The following TDP1 variants were observed in gnomAD, a reference collection of about 807,000 sequenced individuals.
TDP1 encodes tyr-DNA phosphodiesterase 1.
In TDP1, 64 loss-of-function variants were observed where a neutral mutation model predicts 81.5. That is an observed-to-expected ratio of 0.79 (90% confidence interval 0.64 to 0.97). TDP1 has a LOEUF of 0.97. Among genes scored for constraint, TDP1 ranks in the 50% least tolerant of loss-of-function variants. TDP1 has a pLI of 0.00. For synonymous variants in TDP1, 256 were observed against 264.3 expected, an observed-to-expected ratio of 0.97 and a Z score of 0.30; for missense variants, 723 against 743.8, an observed-to-expected ratio of 0.97 and a Z score of 0.33.
At position 90,011,663 on chromosome 14, in the gene TDP1, T is replaced by C. The variant is rs185273931; in HGVS notation, c.1542-7653T>C. On this transcript the variant is annotated intron_variant, in intron 14 of 16. Transcript: ENST00000335725. ...CCCTGCCATAGAGATCTGTGGAACT[T>C]TAAACTTGAGAAAGATAATATAGGG... Among the ~76,000 whole-genome samples, 742 of 152,276 alleles carry C rather than the reference T, an allele frequency of 4.9e-3. 8 individuals are homozygous for C. The highest frequency in any genetic ancestry group is 0.04 in the South Asian group (191 of 4,822).
chr14:89,994,452 C>A (rs1469229037), intron 14 of TDP1, among the ~76,000 whole-genome samples: 1 of 152,056 alleles, frequency 6.6e-6, no homozygotes, highest in Non-Finnish European at 1.5e-5. Flanking sequence ...TGTTGTTTTC[C>A]CTCAAAGTGT....
At chr14:89,967,952 C>T (rs1424143872) in intron 5 of TDP1, among the ~76,000 whole-genome samples, 1 of 146,144 alleles carries the variant, frequency 6.8e-6, no homozygotes, top group African/African-American at 2.8e-5. Flanking sequence ...TAGGGCATCA[C>T]ACAGGTGCCA....
At chr14:90,029,027 C>T (rs1361274356) in intron 15 of TDP1, among the ~76,000 whole-genome samples, 2 of 151,976 alleles carry the variant, frequency 1.3e-5, no homozygotes, top group African/African-American at 4.8e-5. Context: ...GTCCAAATAC[C>T]AGGGTTTCTA....
chr14:89,989,161 T>C (rs1462981811), intron 11 of TDP1, 71 bp downstream of exon 11: 1 of 1,489,306 alleles, frequency 6.7e-7, no homozygotes, highest in Non-Finnish European at 9.3e-7. Context: ...AAATTGGTCC[T>C]CTTTGTAATG....
chr14:89,998,394 AT>A (rs1292690080), intron 14 of TDP1, among the ~76,000 whole-genome samples: 8 of 111,302 alleles, frequency 7.2e-5, no homozygotes, highest in Non-Finnish European at 1.2e-4. Context: ...ATATATATAT[AT>A]ATATATATAT....
chr14:89,963,438 G>A lies in TDP1; in HGVS notation c.324G>A (p.Val108=). 1.9e-6 allele frequency: 3 copies of A among 1,613,494 alleles called. No homozygotes were observed. The highest frequency in any genetic ancestry group is 2.5e-6 in the Non-Finnish European group (3 of 1,179,740). ...TGCCGCAGAAGCAGGCTGAGAAAGTGGTGATCAAAAAGGAGAAAGACATCT... is the reference window on the plus strand; with the variant it reads ...TGCCGCAGAAGCAGGCTGAGAAAGTAGTGATCAAAAAGGAGAAAGACATCT... The part of the protein sequence containing the change: ...PEMPQKQAEK[V]VIKKEKDISA... Residue 108 remains valine (V), a synonymous_variant, in exon 3 of 17, where the codon GTG becomes GTA. Transcript: ENST00000335725.
chr14:89,995,418 T>C (rs899384994), intron 14 of TDP1, among the ~76,000 whole-genome samples: 9 of 152,336 alleles, frequency 5.9e-5, no homozygotes, highest in Non-Finnish European at 1.3e-4. Context: ...CATAGAGTTT[T>C]AGTGTGCCTG....
rs140404001 is a variant in TDP1, at chr14:89,996,142, G to A, written c.1541+2659G>A. 2.4e-4 allele frequency among the ~76,000 whole-genome samples: 37 copies of A among 152,286 alleles called. No individual in the cohort carries two copies. The South Asian group carries it at 3.1e-3, about 13-fold the overall frequency. The stretch of plus-strand genomic sequence containing the variant: ...GGTTTCCTATCTGTTGTGTCATCAC[G>A]TGGATGTTCTTCATAAGCCACTCAT... On this transcript the variant is annotated intron_variant, in intron 14 of 16. Coordinates refer to ENST00000335725, the MANE Select transcript of TDP1 (RefSeq NM_018319.4).
At chr14:90,011,099 C>G (rs958387902) in intron 14 of TDP1, among the ~76,000 whole-genome samples, 1 of 152,152 alleles carries the variant, frequency 6.6e-6, no homozygotes, top group African/African-American at 2.4e-5. Context: ...AGAGCAGTTT[C>G]TCTGCACACA....
chr14:89,989,520 A>T, intron 11 of TDP1, 197 bp from the exon 12 acceptor site: 1 of 782,278 alleles, frequency 1.3e-6, no homozygotes, highest in Non-Finnish European at 1.6e-6. Context: ...TTGAAGTATA[A>T]TTTTACATCA....
At chr14:89,983,111 C>G (rs1359494976) in intron 8 of TDP1, 1 of 455,976 alleles carries the variant, frequency 2.2e-6, no homozygotes, top group East Asian at 7.0e-5. Flanking sequence ...GTTTCTCATC[C>G]AGAACTCACC....
chr14:90,016,372 G>A (rs1005486530), intron 14 of TDP1, among the ~76,000 whole-genome samples: 3 of 152,048 alleles, frequency 2.0e-5, no homozygotes, highest in Non-Finnish European at 4.4e-5. Context: ...TAACTCATGC[G>A]TTGTCACTGT....
chr14:90,019,486 T>C, intron 15 of TDP1, 68 bp downstream of exon 15: 1 of 883,928 alleles, frequency 1.1e-6, no homozygotes, highest in Non-Finnish European at 1.9e-6. Flanking sequence ...GTTCTCTTCC[T>C]TTAGTCACAA....
intron 15 of TDP1, among the ~76,000 whole-genome samples, chr14:90,025,191 A>G (rs2140291559): frequency 1.3e-5 from 2 of 152,322 alleles, no homozygotes; most frequent in African/African-American, 4.8e-5. Flanking sequence ...TAGAAAAGGA[A>G]TCCTGCAGTT....
At chr14:89,982,786 A>G (rs963139555) in intron 8 of TDP1, among the ~76,000 whole-genome samples, 1 of 152,150 alleles carries the variant, frequency 6.6e-6, no homozygotes, top group Non-Finnish European at 1.5e-5. Context: ...CTATTATTTC[A>G]TGCTTGGCCT....
chr14:90,035,588 A>G (rs1420712798), intron 16 of TDP1, among the ~76,000 whole-genome samples: 2 of 152,188 alleles, frequency 1.3e-5, no homozygotes, highest in Non-Finnish European at 2.9e-5. Flanking sequence ...GTCTGTCTAC[A>G]CAGTGAGGAA....
At chr14:90,034,901 A>C (rs1030074183) in intron 16 of TDP1, among the ~76,000 whole-genome samples, 1 of 151,924 alleles carries the variant, frequency 6.6e-6, no homozygotes, top group African/African-American at 2.4e-5. Context: ...CTACCCACTA[A>C]CCTTCTCAGC....
chr14:90,009,579 G>C (rs1020970551), intron 14 of TDP1, among the ~76,000 whole-genome samples: 9 of 152,198 alleles, frequency 5.9e-5, no homozygotes, highest in African/African-American at 2.2e-4. Context: ...GCACATAATA[G>C]ATTGAAGGGT....
chr14:90,002,995 TG>T (rs1211690462), intron 14 of TDP1, among the ~76,000 whole-genome samples: 6 of 152,190 alleles, frequency 3.9e-5, no homozygotes, highest in Non-Finnish European at 7.3e-5. Context: ...TGGAGTGCAG[TG>T]GCATGATTTC....
Sources: allele counts gnomAD v4.1 joint callset (sites outside exome capture counted in the v4.1 genomes callset), GRCh38; gene constraint gnomAD v4.1.1; transcripts MANE v1.5; gene names NCBI Gene and HGNC (gene_info 2026-07-23, HGNC 2026-07-21).